TAF4: variants seen among roughly 807,000 people sequenced by gnomAD.
TAF4 encodes the protein TATA-box binding protein associated factor 4.
TAF4 carries 9 observed loss-of-function variants against 90.3 expected under a neutral mutation model. That is an observed-to-expected ratio of 0.10 (90% CI 0.06 to 0.17). TAF4 has a LOEUF of 0.17. Ranked by LOEUF, TAF4 falls within the 10% of genes least tolerant of loss-of-function variation. TAF4 has a pLI of 1.00. For missense variants in TAF4, 1,351 were observed against 1,370.7 expected (o/e 0.99, Z 0.23); for synonymous variants, 818 against 638.9 (o/e 1.28, Z -4.23).
chr20:62,065,108 C>T lies in TAF4; in HGVS notation c.703G>A (p.Gly235Ser), dbSNP rs1568947155. ...LLPLPKPAAP[G>S]TVIQTPPFVG... ...AAGGGGGGCGTCTGGATGACAGTGC[C>T]GGGGGCGGCGGGCTTGGGCAGCGGC... Residue 235 changes from glycine (G) to serine (S), a missense_variant, in exon 1 of 15, where the codon GGC becomes AGC. Gly to Ser is a moderately conservative substitution (Grantham distance 56). Transcript: ENST00000252996. The T allele has an allele frequency of 3.6e-6, 4 of 1,097,182 alleles. No individual in the cohort carries two copies. Among genetic ancestry groups the T allele is most frequent in the South Asian group, 1.9e-5 (1 of 53,976 alleles). The allele number at this position is 1,097,182 out of a possible 1,614,324, so 68.0% of individuals were successfully genotyped here.
At chr20:62,000,347 T>C (rs1283084537) in intron 10 of TAF4, 93 bp from the exon 11 acceptor site, 3 of 1,536,858 alleles carry the variant, frequency 2.0e-6, no homozygotes, top group Non-Finnish European at 2.6e-6. Flanking sequence ...ACTGCTTTTA[T>C]ACAACCCAAG....
chr20:61,988,083 C>T (rs536661508), intron 14 of TAF4, among the ~76,000 whole-genome samples: 1 of 152,216 alleles, frequency 6.6e-6, no homozygotes, highest in Admixed American at 6.5e-5. Context: ...GGGCAGAGCA[C>T]AGAGGAATTC....
chr20:62,006,518 T>C lies in TAF4; in HGVS notation c.2215A>G (p.Thr739Ala). 6.5e-7 allele frequency: 1 copy of C among 1,529,076 alleles called. No homozygotes were observed. Among genetic ancestry groups the C allele is most frequent in the Non-Finnish European group, 8.8e-7 (1 of 1,138,074 alleles). The allele number at this position is 1,529,076 out of a possible 1,614,324, so 94.7% of individuals were successfully genotyped here. A position where few individuals can be genotyped will look rare whatever the true frequency, so the allele number is the denominator to read the frequency against. ...AGGCGCCCCTTCCATACCAGCGGTGTGGGTTGCCCCTGCTTGCCGACGCCG... is the reference window on the plus strand; with the variant it reads ...AGGCGCCCCTTCCATACCAGCGGTGCGGGTTGCCCCTGCTTGCCGACGCCG... ...QVGVGKQGQP[T>A]PLVIQQPPKP... Residue 739 changes from threonine (T) to alanine (A), a missense_variant, in exon 7 of 15, where the codon ACA (threonine) becomes GCA (alanine). This residue lies in a region of TAF4 where 202 missense variants were observed against 229.7 expected (regional missense o/e 0.88). Transcript: ENST00000252996. The surrounding 1 kb of genome is among the most constrained non-coding windows in gnomAD (Gnocchi z 7.0).
chr20:62,046,084 C>A (rs961580173), intron 1 of TAF4, among the ~76,000 whole-genome samples: 2 of 152,210 alleles, frequency 1.3e-5, no homozygotes, highest in African/African-American at 4.8e-5. Context: ...GTGCAGCAGA[C>A]GGCAGACATT....
chr20:62,003,986 C>T (rs1012417353), intron 7 of TAF4, 108 bp from the exon 8 acceptor site: 9 of 1,361,870 alleles, frequency 6.6e-6, no homozygotes, highest in Non-Finnish European at 8.7e-6. Context: ...CCCACGCCCC[C>T]AGTAAGAAGT....
At chr20:62,036,797 A>G (rs373426077) in intron 1 of TAF4, among the ~76,000 whole-genome samples, 1 of 152,386 alleles carries the variant, frequency 6.6e-6, no homozygotes, top group African/African-American at 2.4e-5. Context: ...GCATAGACTG[A>G]ATGCCATCAC....
In TAF4 at chr20:62,064,996, G is replaced by T; in HGVS notation, c.815C>A (p.Pro272Gln). ...APAAPAAAPP[P>Q]PPPAPATLAR... ...CAGAGTGGCGGGCGCGGGGGGTGGCGGGGGCGGGGCGGCGGCGGGGGCGGC... is the reference window on the plus strand; with the variant it reads ...CAGAGTGGCGGGCGCGGGGGGTGGCTGGGGCGGGGCGGCGGCGGGGGCGGC... The change falls in exon 1 of 15, where the codon CCG (proline) becomes CAG (glutamine). Residue 272 changes from proline to glutamine, a missense_variant. Transcript: ENST00000252996. The T allele has an allele frequency of 3.7e-6, 1 of 270,544 alleles. No individual in the cohort carries two copies. Among genetic ancestry groups the T allele is most frequent in the Non-Finnish European group, 5.3e-6 (1 of 187,256 alleles). The allele number at this position is 270,544 out of a possible 1,614,324, so 16.8% of individuals were successfully genotyped here.
At chr20:61,997,463 C>G in intron 14 of TAF4, 87 bp downstream of exon 14, 1 of 1,338,004 alleles carries the variant, frequency 7.5e-7, no homozygotes. Flanking sequence ...GCAAATTCCC[C>G]TATGTGTGTC....
In TAF4 at chr20:62,010,602, G is replaced by A. The variant is rs546468505; in HGVS notation, c.1642-437C>T. Among the ~76,000 whole-genome samples, 28 of 152,220 alleles carry A rather than the reference G, an allele frequency of 1.8e-4. No individual in the cohort carries two copies. Among genetic ancestry groups the A allele is most frequent in the Admixed American group, 2.6e-4 (4 of 15,296 alleles). ...CAGGTGCAGAGGCTGGCTACAGGGC[G>A]GTCAGGGCTCCACAGCCGCAGCCTC... On this transcript the variant is annotated intron_variant, in intron 3 of 14. Transcript: ENST00000252996. The surrounding 1 kb of genome is among the most constrained non-coding windows in gnomAD (Gnocchi z 4.5).
chr20:61,976,405 T>C (rs2055495156), intron 14 of TAF4, 70 bp from the exon 15 acceptor site: 6 of 1,571,042 alleles, frequency 3.8e-6, no homozygotes, highest in South Asian at 3.3e-5. Flanking sequence ...AGCCTGTGTA[T>C]CTGAGCCAAG....
At chr20:62,009,028 G>T in intron 5 of TAF4, 24 bp downstream of exon 5, 1 of 1,607,556 alleles carries the variant, frequency 6.2e-7, no homozygotes, top group Non-Finnish European at 8.5e-7. Flanking sequence ...AGGGGAAAGG[G>T]AATGTAAAGT....
chr20:62,059,099 C>G (rs1331907197), intron 1 of TAF4, among the ~76,000 whole-genome samples: 1 of 152,218 alleles, frequency 6.6e-6, no homozygotes, highest in South Asian at 2.1e-4. Flanking sequence ...CGGTTCCCAA[C>G]GACAACTTCT....
intron 1 of TAF4, among the ~76,000 whole-genome samples, chr20:62,060,943 G>C (rs1320611864): frequency 1.6e-4 from 24 of 152,242 alleles, no homozygotes; most frequent in Non-Finnish European, 4.4e-5. Flanking sequence ...GTTTGGAATA[G>C]TGAGCGCCAC....
Position 62,006,029 on chromosome 20 carries a change from T to C in TAF4, c.2223+481A>G, listed in dbSNP as rs924969730. The C allele has an allele frequency of 1.3e-5, 2 of 154,162 alleles. No individual in the cohort carries two copies. Among genetic ancestry groups the C allele is most frequent in the African/African-American group, 4.8e-5 (2 of 41,538 alleles). 9.5% of individuals were successfully genotyped at this position (154,162 alleles called of 1,614,324 possible). On this transcript the variant is annotated intron_variant, in intron 7 of 14. Transcript: ENST00000252996. This position sits in a 1 kb window ranked among gnomAD's most constrained non-coding sequence, Gnocchi z 7.0. ...AAAACCAAGAAAGCCAGATCCAAAC[T>C]GCACATAAGTGAACCGCTATGAGCA...
At chr20:61,976,455 C>T in intron 14 of TAF4, 120 bp from the exon 15 acceptor site, 3 of 1,191,204 alleles carry the variant, frequency 2.5e-6, no homozygotes, top group South Asian at 2.8e-5. Context: ...GCACGGGCTC[C>T]TTCCGGTAGG....
intron 1 of TAF4, among the ~76,000 whole-genome samples, chr20:62,062,232 G>A (rs1275141431): frequency 6.6e-6 from 1 of 152,254 alleles, no homozygotes; most frequent in African/African-American, 2.4e-5. Flanking sequence ...TTTTTATTAC[G>A]AAATATTTCA....
intron 1 of TAF4, among the ~76,000 whole-genome samples, chr20:62,016,292 G>A (rs943123163): frequency 2.0e-5 from 3 of 152,244 alleles, no homozygotes; most frequent in African/African-American, 7.2e-5. Context: ...GCAAAGTATT[G>A]TTCCTGGGTG....
chr20:62,013,440 A>G (rs2055791496), intron 2 of TAF4, among the ~76,000 whole-genome samples: 1 of 152,264 alleles, frequency 6.6e-6, no homozygotes, highest in Non-Finnish European at 1.5e-5. Flanking sequence ...CAGATGGCAG[A>G]CTGCAATGGG....
At chr20:62,053,136 C>A (rs2056039401) in intron 1 of TAF4, among the ~76,000 whole-genome samples, 1 of 152,188 alleles carries the variant, frequency 6.6e-6, no homozygotes, top group African/African-American at 2.4e-5. Flanking sequence ...AGAGCTGCGT[C>A]TGGCCCACAG....
Sources: allele counts gnomAD v4.1 joint callset (sites outside exome capture counted in the v4.1 genomes callset), GRCh38; gene constraint gnomAD v4.1.1; regional missense constraint gnomAD v4.1.1; non-coding constraint Gnocchi (gnomAD v3.1); transcripts MANE v1.5; gene names NCBI Gene and HGNC (gene_info 2026-07-23, HGNC 2026-07-21).